Variants in CAST observed in about 807,000 individuals in gnomAD.
CAST encodes calpastatin.
CAST carries 76 observed loss-of-function variants against 119.6 expected under a neutral mutation model. That is an observed-to-expected ratio of 0.64 (90% CI 0.53 to 0.77). The LOEUF (loss-of-function observed/expected upper bound fraction) is 0.77, where lower values mean the gene tolerates loss of function less well. Among genes scored for constraint, CAST ranks in the 30% least tolerant of loss-of-function variants. The pLI, the probability that CAST is intolerant of heterozygous loss-of-function variation, is 0.00. For synonymous variants in CAST, 319 were observed against 331.6 expected (o/e 0.96, Z 0.41); for missense variants, 953 against 946.5 (o/e 1.01, Z -0.09).
chr5:96,550,960 CG>C (rs1193154802), intron 1 of CAST, among the ~76,000 whole-genome samples: 1 of 152,092 alleles, frequency 6.6e-6, no homozygotes, highest in Non-Finnish European at 1.5e-5. Context: ...CTGAAAGTCA[CG>C]GGGGGAATGG....
At chr5:96,235,403 C>T in the CAST span, among the ~76,000 whole-genome samples, 1,414 of 152,312 alleles carry the variant, frequency 9.3e-3, 13 homozygotes, top group African/African-American at 0.032. Context: ...AAAGGACAGA[C>T]GTAGTCCATC....
At chr5:96,440,301 T>C in the CAST span, among the ~76,000 whole-genome samples, 10 of 152,242 alleles carry the variant, frequency 6.6e-5, no homozygotes, top group East Asian at 1.7e-3. Context: ...TTATGGTATC[T>C]GCATGTCTCC....
chr5:95,979,820 T>G, the CAST span, among the ~76,000 whole-genome samples: 1 of 152,214 alleles, frequency 6.6e-6, no homozygotes, highest in Non-Finnish European at 1.5e-5. Context: ...ATTTTAATTT[T>G]TAAAAGTAGA....
the CAST span, among the ~76,000 whole-genome samples, chr5:96,224,593 G>A: frequency 5.9e-5 from 9 of 152,114 alleles, no homozygotes; most frequent in Non-Finnish European, 1.2e-4. Flanking sequence ...ATAAGGATCC[G>A]ATTCTCCCCT....
At chr5:96,667,825 C>T (rs1314033055) in intron 1 of CAST, among the ~76,000 whole-genome samples, 1 of 152,076 alleles carries the variant, frequency 6.6e-6, no homozygotes, top group East Asian at 1.9e-4. Context: ...CCAGCCTGGC[C>T]AAGATGGTGA....
upstream of CAST, among the ~76,000 whole-genome samples, chr5:96,528,617 A>C (rs1030431834): frequency 2.0e-5 from 3 of 152,214 alleles, no homozygotes; most frequent in Admixed American, 6.5e-5. Flanking sequence ...GTGATAAGAC[A>C]AGATCTGATT....
At chr5:96,514,180 G>T in the CAST span, among the ~76,000 whole-genome samples, 3 of 152,078 alleles carry the variant, frequency 2.0e-5, no homozygotes, top group Non-Finnish European at 4.4e-5. Flanking sequence ...GGACTTCAAC[G>T]CATATTTTTA....
At chr5:96,144,617 T>C in the CAST span, among the ~76,000 whole-genome samples, 1 of 152,328 alleles carries the variant, frequency 6.6e-6, no homozygotes, top group African/African-American at 2.4e-5. Context: ...TTTTGCTTCT[T>C]TCTTTGCTAT....
the CAST span, among the ~76,000 whole-genome samples, chr5:96,217,672 A>G: frequency 6.6e-6 from 1 of 152,246 alleles, no homozygotes; most frequent in Non-Finnish European, 1.5e-5. Flanking sequence ...ATGCACAACA[A>G]TATGGATGAG....
the CAST span, among the ~76,000 whole-genome samples, chr5:95,981,171 A>G: frequency 1.3e-5 from 2 of 152,322 alleles, no homozygotes; most frequent in Middle Eastern, 6.8e-3. Context: ...CACCCTGTGT[A>G]TACTCTGTTG....
the CAST span, among the ~76,000 whole-genome samples, chr5:96,341,952 T>C: frequency 6.6e-6 from 1 of 152,180 alleles, no homozygotes; most frequent in Admixed American, 6.5e-5. Flanking sequence ...ACCTTTACCT[T>C]AGAAAAAAAT....
At chr5:96,249,431 T>C in the CAST span, among the ~76,000 whole-genome samples, 3 of 152,360 alleles carry the variant, frequency 2.0e-5, no homozygotes, top group East Asian at 5.8e-4. Context: ...GACATAATAA[T>C]ACTACTTTCC....
chr5:96,408,421 A>G, the CAST span: 6 of 814,136 alleles, frequency 7.4e-6, no homozygotes, highest in Non-Finnish European at 1.3e-5. Flanking sequence ...ATCTGCTATG[A>G]CCAGGAAACT....
At chr5:96,110,502 A>G in the CAST span, among the ~76,000 whole-genome samples, 1 of 152,164 alleles carries the variant, frequency 6.6e-6, no homozygotes, top group South Asian at 2.1e-4. Context: ...GGGGTTGTCA[A>G]GGGTCATAGT....
the CAST span, among the ~76,000 whole-genome samples, chr5:96,442,641 G>A: frequency 6.6e-6 from 1 of 152,198 alleles, no homozygotes; most frequent in Admixed American, 6.5e-5. Context: ...TATCAAGGTA[G>A]TTTAAAGTGC....
intron 1 of CAST, among the ~76,000 whole-genome samples, chr5:96,652,378 T>C (rs889017778): frequency 6.6e-6 from 1 of 152,244 alleles, no homozygotes; most frequent in Non-Finnish European, 1.5e-5. Context: ...ATGGGGATTT[T>C]TTTAAACAAA....
chr5:95,989,109 G>C, the CAST span, among the ~76,000 whole-genome samples: 1 of 152,148 alleles, frequency 6.6e-6, no homozygotes, highest in Non-Finnish European at 1.5e-5. Flanking sequence ...AGTCTAAAAA[G>C]CAAGGGATTG....
At chr5:96,449,681 C>T in the CAST span, among the ~76,000 whole-genome samples, 1 of 152,218 alleles carries the variant, frequency 6.6e-6, no homozygotes, top group Non-Finnish European at 1.5e-5. Context: ...CCTAAATTCT[C>T]AGCCATTTGT....
At chr5:96,464,118 G>C in the CAST span, among the ~76,000 whole-genome samples, 1 of 151,848 alleles carries the variant, frequency 6.6e-6, no homozygotes. Flanking sequence ...GTTTTGTTTT[G>C]TTTTGGTTTG....
Sources: allele counts gnomAD v4.1 joint callset (sites outside exome capture counted in the v4.1 genomes callset), GRCh38; gene constraint gnomAD v4.1.1; transcripts MANE v1.5; gene names NCBI Gene and HGNC (gene_info 2026-07-23, HGNC 2026-07-21).